AKNA: variants seen among roughly 807,000 people sequenced by gnomAD.
The protein encoded by AKNA is microtubule organization protein AKNA.
A neutral mutation model predicts 138.8 loss-of-function variants in AKNA; 67 were observed. The observed-to-expected ratio is 0.48, with a 90% CI of 0.40 to 0.59. The LOEUF is 0.59. Ranked by LOEUF, AKNA falls within the 20% of genes least tolerant of loss-of-function variation. AKNA has a pLI of 0.00. For synonymous variants in AKNA, 737 were observed against 754.4 expected (o/e 0.98, Z 0.38); for missense variants, 1,813 against 1,880.4 (o/e 0.96, Z 0.66).
chr9:114,390,589 C>T (rs1834295792), upstream of AKNA, among the ~76,000 whole-genome samples: 1 of 152,224 alleles, frequency 6.6e-6, no homozygotes, highest in Non-Finnish European at 1.5e-5. Flanking sequence ...CCCCACACTG[C>T]ACCGATGTGG....
chr9:114,352,264 T>C (rs1312416605), intron 14 of AKNA, among the ~76,000 whole-genome samples: 1 of 152,198 alleles, frequency 6.6e-6, no homozygotes, highest in Non-Finnish European at 1.5e-5. Flanking sequence ...GTATTATTTC[T>C]TATAACTGCA....
In AKNA at chr9:114,341,634, G is replaced by A. The variant is rs755793735; in HGVS notation, c.3966C>T (p.Pro1322=). Residue 1322 remains proline (P), a synonymous_variant, in exon 21 of 22, where the codon CCC becomes CCT. Coordinates refer to ENST00000374088, the MANE Select transcript of AKNA (RefSeq NM_001317950.2). ...SKQAGSSPRP[P]PGLWYLATAP... ...CTGTTGCCAGATACCACAGTCCGGG[G>A]GGTGGGCGTGGCGACGACCCCGCCT... 6.2e-7 allele frequency: 1 copy of A among 1,611,630 alleles called. No individual in the cohort carries two copies. Among genetic ancestry groups the A allele is most frequent in the Non-Finnish European group, 8.5e-7 (1 of 1,179,258 alleles).
intron 14 of AKNA, among the ~76,000 whole-genome samples, chr9:114,355,207 G>C (rs1831406762): frequency 2.8e-5 from 4 of 143,610 alleles, no homozygotes; most frequent in Admixed American, 7.2e-5. Context: ...ACAGAGTCTT[G>C]CTCTGTCACC....
Position 114,337,020 on chromosome 9 carries a change from C to A in AKNA, c.*34G>T. ...TGGCCTGGCAGGCCACCTGCCCACC[C>A]ACCCACCCATCTGCCTCTGGGCCCC... On this transcript the variant is annotated 3_prime_UTR_variant, in exon 22 of 22. Coordinates refer to ENST00000374088, the MANE Select transcript of AKNA (RefSeq NM_001317950.2). 12 of 194,068 alleles carry A rather than the reference C, an allele frequency of 6.2e-5. No individual in the cohort carries two copies. Among genetic ancestry groups the A allele is most frequent in the South Asian group, 4.5e-4 (7 of 15,726 alleles). 12.0% of individuals were successfully genotyped at this position (194,068 alleles called of 1,614,324 possible).
rs1180737308 is a variant in AKNA, at chr9:114,361,919, G to A, written c.1917-8C>T. On this transcript the variant is annotated splice_region_variant and splice_polypyrimidine_tract_variant and intron_variant, in intron 8 of 21. Coordinates refer to ENST00000374088, the MANE Select transcript of AKNA (RefSeq NM_001317950.2). Reference sequence around the variant, plus strand: ...ATCTCTGCCTCCAGCTCCCTGGAATGCAGAAACATTACCACCAGGAGCCCA... The same window carrying A: ...ATCTCTGCCTCCAGCTCCCTGGAATACAGAAACATTACCACCAGGAGCCCA... 4 of 1,600,304 alleles carry A rather than the reference G, an allele frequency of 2.5e-6. No homozygotes were observed. Among genetic ancestry groups the A allele is most frequent in the Non-Finnish European group, 3.4e-6 (4 of 1,179,806 alleles).
upstream of AKNA, among the ~76,000 whole-genome samples, chr9:114,392,738 C>T (rs906848715): frequency 1.3e-5 from 2 of 152,196 alleles, no homozygotes; most frequent in Non-Finnish European, 2.9e-5. Context: ...GCGATGAGTC[C>T]TGGACACAAA....
At chr9:114,350,651 G>A (rs1184742718) in intron 15 of AKNA, among the ~76,000 whole-genome samples, 1 of 152,168 alleles carries the variant, frequency 6.6e-6, no homozygotes, top group Non-Finnish European at 1.5e-5. Flanking sequence ...ATATTCCACT[G>A]GCTGGAGAAG....
Position 114,336,997 on chromosome 9 carries a change from G to T in AKNA, c.*57C>A. ...CCTCAGCAGCTCCAGCCCACTCCTG[G>T]CCTGGCAGGCCACCTGCCCACCCAC... On this transcript the variant is annotated 3_prime_UTR_variant, in exon 22 of 22. Coordinates refer to ENST00000374088, the MANE Select transcript of AKNA (RefSeq NM_001317950.2). The T allele has an allele frequency of 1.4e-6, 2 of 1,452,168 alleles. No individual in the cohort carries two copies. The highest frequency in any genetic ancestry group is 9.1e-7 in the Non-Finnish European group (1 of 1,097,160). 90.0% of individuals were successfully genotyped at this position (1,452,168 alleles called of 1,614,324 possible).
chr9:114,359,935 T>C lies in AKNA; in HGVS notation c.2252A>G (p.Glu751Gly). The change falls in exon 10 of 22, where the codon GAG becomes GGG. Residue 751 changes from glutamate to glycine, a missense_variant. Physicochemically the swap from Glu to Gly is moderately conservative, Grantham distance 98. Transcript: ENST00000374088. Reference sequence around the variant, plus strand: ...ATGGTAAACTTGCTCCATCTGCAGCTCCTTGTGCCTGAGTCGGGCCAGGGG... The same window carrying C: ...ATGGTAAACTTGCTCCATCTGCAGCCCCTTGTGCCTGAGTCGGGCCAGGGG... Reference protein sequence around the residue: ...QDPLARLRHKELQMEQVYHGL... With the variant: ...QDPLARLRHKGLQMEQVYHGL... 3 of 1,614,196 alleles carry C rather than the reference T, an allele frequency of 1.9e-6. No homozygotes were observed. The highest frequency in any genetic ancestry group is 2.5e-6 in the Non-Finnish European group (3 of 1,180,024).
chr9:114,376,358 C>G, intron 3 of AKNA, 108 bp downstream of exon 3: 1 of 1,206,334 alleles, frequency 8.3e-7, no homozygotes, highest in South Asian at 1.3e-5. Context: ...TATCCCAGGC[C>G]TCTCCACCCC....
At chr9:114,369,932 G>A (rs868785818) in intron 4 of AKNA, among the ~76,000 whole-genome samples, 4 of 151,968 alleles carry the variant, frequency 2.6e-5, no homozygotes, top group Non-Finnish European at 4.4e-5. Context: ...CACCATCACC[G>A]TTATCGTCAT....
intron 11 of AKNA, 170 bp downstream of exon 11, chr9:114,359,423 TA>T: frequency 1.5e-6 from 2 of 1,312,726 alleles, no homozygotes; most frequent in South Asian, 2.9e-5. Flanking sequence ...TGTCCCACAC[TA>T]CCCAAAATCA....
In AKNA at chr9:114,377,119, C is replaced by T; in HGVS notation, c.688G>A (p.Ala230Thr). The T allele has an allele frequency of 6.2e-7, 1 of 1,614,146 alleles. No individual in the cohort carries two copies. Among genetic ancestry groups the T allele is most frequent in the East Asian group, 2.2e-5 (1 of 44,864 alleles). ...CCCTCTGGCAAGGTTTCTGCCAGGG[C>T]AGTGGGCTGGGGGCCATCGGTCTCT... is the stretch of plus-strand genomic sequence containing the variant. Reference protein sequence around the residue: ...EGETDGPQPTALAETLPEGPS... With the variant: ...EGETDGPQPTTLAETLPEGPS... The change falls in exon 3 of 22, where the codon GCC (alanine) becomes ACC (threonine). Residue 230 changes from alanine to threonine, a missense_variant. Physicochemically the swap from Ala to Thr is moderately conservative, Grantham distance 58. Coordinates refer to ENST00000374088, the MANE Select transcript of AKNA (RefSeq NM_001317950.2).
At position 114,358,319 on chromosome 9, in the gene AKNA, T is replaced by A. The variant is rs990332182; in HGVS notation, c.2493-152A>T. ...CTGGTTCTGCCACCTTCTAGCTGTG[T>A]GACCTAGGGCAAGGCACTTCCCCTC... On this transcript the variant is annotated intron_variant, in intron 11 of 21. Coordinates refer to ENST00000374088, the MANE Select transcript of AKNA (RefSeq NM_001317950.2). The A allele has an allele frequency of 6.6e-6, 7 of 1,054,694 alleles. 1 individual carries two copies. The South Asian group carries it at 1.1e-4, about 17-fold the overall frequency. 65.3% of individuals were successfully genotyped at this position (1,054,694 alleles called of 1,614,324 possible).
chr9:114,330,921 G>T, downstream of AKNA: 2 of 1,429,210 alleles, frequency 1.4e-6, no homozygotes, highest in Admixed American at 1.7e-5. Context: ...GCCAGCATAA[G>T]GTGGGGGCTG....
Position 114,368,611 on chromosome 9 carries a change from G to A in AKNA, c.1417-16C>T. On this transcript the variant is annotated splice_polypyrimidine_tract_variant and intron_variant, in intron 4 of 21. Transcript: ENST00000374088. ...ACAGGTTCACCTGTGGAAGCAGGGAGGCACAGCACAGCCAAGTCAGGGTAG... is the reference window on the plus strand; with the variant it reads ...ACAGGTTCACCTGTGGAAGCAGGGAAGCACAGCACAGCCAAGTCAGGGTAG... 7.3e-7 allele frequency: 1 copy of A among 1,361,044 alleles called. No homozygotes were observed. The highest frequency in any genetic ancestry group is 9.5e-7 in the Non-Finnish European group (1 of 1,048,582). The allele number at this position is 1,361,044 out of a possible 1,614,324, so 84.3% of individuals were successfully genotyped here. A position where few individuals can be genotyped will look rare whatever the true frequency, so the allele number is the denominator to read the frequency against.
downstream of AKNA, among the ~76,000 whole-genome samples, chr9:114,331,038 A>G (rs545590534): frequency 2.6e-5 from 4 of 152,226 alleles, no homozygotes; most frequent in South Asian, 8.3e-4. Context: ...AGAGAATTAG[A>G]TGAGGAAACA....
At chr9:114,393,601 C>CGT (rs1289514990) in intron 1 of AKNA, among the ~76,000 whole-genome samples, 1 of 151,786 alleles carries the variant, frequency 6.6e-6, no homozygotes, top group African/African-American at 2.4e-5. Flanking sequence ...AGCAGTGTCC[C>CGT]GTAACAGGTG....
chr9:114,361,020 CTT>C (rs1831907331), intron 9 of AKNA, among the ~76,000 whole-genome samples: 1 of 152,286 alleles, frequency 6.6e-6, no homozygotes, highest in African/African-American at 2.4e-5. Flanking sequence ...CCCAACCTCT[CTT>C]AAGTCCACAC....
Sources: allele counts gnomAD v4.1 joint callset (sites outside exome capture counted in the v4.1 genomes callset), GRCh38; gene constraint gnomAD v4.1.1; transcripts MANE v1.5; gene names NCBI Gene and HGNC (gene_info 2026-07-23, HGNC 2026-07-21).